Variants in TSC22D2 observed in about 807,000 individuals in gnomAD.
TSC22D2 encodes the protein TSC22 domain family protein 2.
Under a neutral mutation model 50.1 loss-of-function variants are expected in TSC22D2, and 5 were observed. The observed-to-expected ratio is 0.10, with a 90% CI of 0.05 to 0.21. The LOEUF is 0.21. Among genes scored for constraint, TSC22D2 ranks in the 10% least tolerant of loss-of-function variants. The pLI, the probability that TSC22D2 is intolerant of heterozygous loss-of-function variation, is 1.00. For missense variants in TSC22D2, 1,003 were observed against 1,015.5 expected, an observed-to-expected ratio of 0.99 and a Z score of 0.17; for synonymous variants, 501 against 450.1, an observed-to-expected ratio of 1.11 and a Z score of -1.43.
At chr3:150,441,517 T>C (rs1720717004) in intron 1 of TSC22D2, among the ~76,000 whole-genome samples, 1 of 152,120 alleles carries the variant, frequency 6.6e-6, no homozygotes, top group South Asian at 2.1e-4. Context: ...CCCAGCACTT[T>C]AGGAGGCTGA....
intron 1 of TSC22D2, among the ~76,000 whole-genome samples, chr3:150,440,848 A>G (rs994683397): frequency 3.3e-5 from 5 of 151,914 alleles, no homozygotes; most frequent in African/African-American, 1.2e-4. Flanking sequence ...CCTGTTTTTA[A>G]GTATTAATAA....
intron 1 of TSC22D2, among the ~76,000 whole-genome samples, chr3:150,418,480 G>C (rs910101032): frequency 1.1e-4 from 17 of 151,874 alleles, no homozygotes; most frequent in African/African-American, 4.1e-4. Context: ...AAGCCTCTCT[G>C]CTACCTCTGT....
At chr3:150,446,731 T>C (rs1250188325) in intron 1 of TSC22D2, among the ~76,000 whole-genome samples, 1 of 152,154 alleles carries the variant, frequency 6.6e-6, no homozygotes, top group Non-Finnish European at 1.5e-5. Flanking sequence ...CCCCATGATA[T>C]TCTTCTGAGT....
chr3:150,424,281 G>C (rs757827044), intron 1 of TSC22D2, among the ~76,000 whole-genome samples: 2 of 152,022 alleles, frequency 1.3e-5, no homozygotes, highest in African/African-American at 4.8e-5. Context: ...AAACATGAAG[G>C]TTTAATCTTT....
chr3:150,457,109 C>T lies in TSC22D2; in HGVS notation c.1992C>T (p.Asn664=). ...GGGGAGGTGTTGTAGCCATTGACAA[C>T]AAAATAGAACAAGCAATGGTAAGTA... ...ASGGGVVAID[N]KIEQAMDLVK... The change falls in exon 2 of 3, where the codon AAC becomes AAT. Residue 664 remains asparagine, a synonymous_variant. Coordinates refer to ENST00000688009, the MANE Select transcript of TSC22D2 (RefSeq NM_001303264.2). 1 of 1,611,752 alleles carries T rather than the reference C, an allele frequency of 6.2e-7. No homozygotes were observed. The highest frequency in any genetic ancestry group is 8.5e-7 in the Non-Finnish European group (1 of 1,179,398).
rs1721513897 is a variant in TSC22D2, at chr3:150,465,020, A to C, written c.*6384A>C. On this transcript the variant is annotated 3_prime_UTR_variant, in exon 3 of 3. Coordinates refer to ENST00000688009, the MANE Select transcript of TSC22D2 (RefSeq NM_001303264.2). The stretch of plus-strand genomic sequence containing the variant: ...ATAACTCAGGTGACTGATACCAAAA[A>C]TAAATCTCTAATACAGCTGAGAATC... 6.6e-6 allele frequency: 1 copy of C among 152,210 alleles called. No individual in the cohort carries two copies. Among genetic ancestry groups the C allele is most frequent in the African/African-American group, 2.4e-5 (1 of 41,458 alleles). 9.4% of individuals were successfully genotyped at this position (152,210 alleles called of 1,614,324 possible).
intron 1 of TSC22D2, among the ~76,000 whole-genome samples, chr3:150,445,733 C>A (rs1332119788): frequency 6.6e-6 from 1 of 152,074 alleles, no homozygotes; most frequent in African/African-American, 2.4e-5. Context: ...ACAACTGTAT[C>A]CCATTTTATA....
At chr3:150,430,437 T>C (rs993768510) in intron 1 of TSC22D2, among the ~76,000 whole-genome samples, 1 of 152,170 alleles carries the variant, frequency 6.6e-6, no homozygotes, top group Non-Finnish European at 1.5e-5. Flanking sequence ...ATTTTACAAC[T>C]GATTGGTCAT....
rs550734286 is a variant in TSC22D2 at position 150,426,870 on chromosome 3, T to A, written c.1958+15562T>A. On this transcript the variant is annotated intron_variant, in intron 1 of 2. Transcript: ENST00000688009. ...GTTTTCTACAGTGATTATTCACTTA[T>A]TACCTCTAATTTTAAAATTATTGGA... Among the ~76,000 whole-genome samples, 17 of 152,308 alleles carry A rather than the reference T, an allele frequency of 1.1e-4. 1 individual carries two copies. In the South Asian group the frequency reaches 3.5e-3, roughly 32 times the overall value.
chr3:150,411,450 G>C (rs1444157223), intron 1 of TSC22D2, 142 bp downstream of exon 1: 1 of 876,060 alleles, frequency 1.1e-6, no homozygotes, highest in Middle Eastern at 3.3e-4. Context: ...AATTGATTTA[G>C]ATTGCTGATG....
intron 1 of TSC22D2, among the ~76,000 whole-genome samples, chr3:150,440,368 C>G (rs1004421368): frequency 1.3e-5 from 2 of 152,098 alleles, no homozygotes; most frequent in East Asian, 3.9e-4. Flanking sequence ...AGGTTGCTTA[C>G]TATCTAAAAG....
At chr3:150,431,172 C>A (rs1347066101) in intron 1 of TSC22D2, among the ~76,000 whole-genome samples, 1 of 140,146 alleles carries the variant, frequency 7.1e-6, no homozygotes, top group African/African-American at 2.7e-5. Flanking sequence ...TTGCAGTGAG[C>A]CGAGATCGCG....
intron 1 of TSC22D2, among the ~76,000 whole-genome samples, chr3:150,451,071 G>C (rs1211156931): frequency 1.3e-5 from 2 of 151,978 alleles, no homozygotes; most frequent in Non-Finnish European, 2.9e-5. Context: ...TGGGCAAGGG[G>C]GTGTGAGCAT....
rs761788392 is a variant in TSC22D2, at chr3:150,409,783, G to C, written c.433G>C (p.Gly145Arg). The C allele has an allele frequency of 1.4e-5, 23 of 1,602,532 alleles. 1 individual carries two copies. The South Asian group carries it at 2.4e-4, about 17-fold the overall frequency. Reference protein sequence around the residue: ...GGPQLAGSSAGPVTAAPSQPP... With the variant: ...GGPQLAGSSARPVTAAPSQPP... ...CCCCCAGCTCGCGGGCTCATCCGCC[G>C]GGCCAGTGACTGCAGCCCCATCTCA... The change falls in exon 1 of 3, where the codon GGG (glycine) becomes CGG (arginine). Residue 145 changes from glycine (G) to arginine (R), a missense_variant. Around this residue, in one of 6 missense-constraint regions of TSC22D2, gnomAD observed 200 missense variants for 182.8 expected, o/e 1.09. Coordinates refer to ENST00000688009, the MANE Select transcript of TSC22D2 (RefSeq NM_001303264.2). The surrounding 1 kb of genome is among the most constrained non-coding windows in gnomAD (Gnocchi z 7.4).
At chr3:150,437,956 T>C (rs1720598869) in intron 1 of TSC22D2, among the ~76,000 whole-genome samples, 1 of 152,206 alleles carries the variant, frequency 6.6e-6, no homozygotes, top group Non-Finnish European at 1.5e-5. Context: ...TTCTGGATCA[T>C]GATCTTAAAC....
intron 1 of TSC22D2, among the ~76,000 whole-genome samples, chr3:150,446,093 CA>C (rs34550896): frequency 0.36 from 37,145 of 103,806 alleles, 4,859 homozygotes; most frequent in Middle Eastern, 0.49. Context: ...GACTCCATCT[CA>C]AAAAAAAAAA....
chr3:150,427,696 TAGAGG>T (rs1164671200), intron 1 of TSC22D2, among the ~76,000 whole-genome samples: 1 of 152,084 alleles, frequency 6.6e-6, no homozygotes, highest in African/African-American at 2.4e-5. Flanking sequence ...AGACATCTAG[TAGAGG>T]ATAGTACAAG....
chr3:150,442,489 G>A (rs562858034), intron 1 of TSC22D2, among the ~76,000 whole-genome samples: 7 of 152,298 alleles, frequency 4.6e-5, no homozygotes, highest in Admixed American at 2.0e-4. Context: ...TAACTCCTAA[G>A]TCAGTGTTTC....
At chr3:150,411,784 G>A (rs745980487) in intron 1 of TSC22D2, among the ~76,000 whole-genome samples, 30 of 152,142 alleles carry the variant, frequency 2.0e-4, no homozygotes, top group Non-Finnish European at 4.0e-4. Flanking sequence ...CTTCTCCAGT[G>A]TATCTGGAAA....
Sources: gnomAD v4.1 joint callset for allele counts (sites outside exome capture counted in the v4.1 genomes callset) on GRCh38, gnomAD v4.1.1 for gene constraint, gnomAD v4.1.1 regional missense constraint, Gnocchi (gnomAD v3.1) non-coding constraint, MANE v1.5 for transcripts, NCBI Gene and HGNC (gene_info 2026-07-23, HGNC 2026-07-21) for gene names.